Variants in SIPA1L3 observed in about 807,000 individuals in gnomAD.
The protein encoded by SIPA1L3 is signal-induced proliferation-associated 1-like protein 3.
Under a neutral mutation model 150.1 loss-of-function variants are expected in SIPA1L3, and 59 were observed. That is an observed-to-expected ratio of 0.39 (90% CI 0.32 to 0.49). The LOEUF is 0.49. Among genes scored for constraint, SIPA1L3 ranks in the 20% least tolerant of loss-of-function variants. The pLI, the probability that SIPA1L3 is intolerant of heterozygous loss-of-function variation, is 0.86. For synonymous variants in SIPA1L3, 1,070 were observed against 1,077.6 expected, an observed-to-expected ratio of 0.99 and a Z score of 0.14; for missense variants, 2,211 against 2,489.5, an observed-to-expected ratio of 0.89 and a Z score of 2.38.
chr19:37,995,613 A>G (rs1285036007), intron 1 of SIPA1L3, among the ~76,000 whole-genome samples: 1 of 152,204 alleles, frequency 6.6e-6, no homozygotes, highest in Non-Finnish European at 1.5e-5. Context: ...AAAGGTTAGT[A>G]GGAGTTCTGC....
chr19:38,018,589 T>A (rs1453746036), intron 1 of SIPA1L3, among the ~76,000 whole-genome samples: 1 of 152,190 alleles, frequency 6.6e-6, no homozygotes, highest in African/African-American at 2.4e-5. Flanking sequence ...ACGCATGGAT[T>A]CTTGCTTCAT....
chr19:37,937,530 G>GGAGTTTGA (rs953782180), intron 1 of SIPA1L3, among the ~76,000 whole-genome samples: 2 of 146,500 alleles, frequency 1.4e-5, no homozygotes, highest in African/African-American at 5.1e-5. Context: ...CTTGAGCCCA[G>GGAGTTTGA]GAGTTTGAGA....
At chr19:37,980,957 T>G (rs1161812320) in intron 1 of SIPA1L3, among the ~76,000 whole-genome samples, 1 of 152,224 alleles carries the variant, frequency 6.6e-6, no homozygotes, top group Non-Finnish European at 1.5e-5. Flanking sequence ...ATCCCATCAG[T>G]TCTCATCTTT....
At chr19:37,921,722 TC>T (rs1316322848) in intron 1 of SIPA1L3, among the ~76,000 whole-genome samples, 1 of 151,386 alleles carries the variant, frequency 6.6e-6, no homozygotes. Flanking sequence ...CACCTCAGCC[TC>T]CCAAGTAGCT....
At chr19:38,078,587 C>G (rs1969907927) in intron 2 of SIPA1L3, among the ~76,000 whole-genome samples, 1 of 107,272 alleles carries the variant, frequency 9.3e-6, no homozygotes, top group Non-Finnish European at 2.0e-5. Flanking sequence ...CACGCACACA[C>G]ACACAGACAC....
intron 12 of SIPA1L3, among the ~76,000 whole-genome samples, chr19:38,148,195 A>G (rs1971741620): frequency 6.6e-6 from 1 of 151,892 alleles, no homozygotes; most frequent in Non-Finnish European, 1.5e-5. Context: ...TACTAAAAAT[A>G]CAAAAGTTAG....
chr19:38,098,073 C>T (rs1266414276), intron 4 of SIPA1L3, among the ~76,000 whole-genome samples: 2 of 152,210 alleles, frequency 1.3e-5, no homozygotes, highest in African/African-American at 4.8e-5. Flanking sequence ...TAGACCTATA[C>T]ATACAGTTAT....
At chr19:38,197,601 T>C (rs1972989855) in intron 18 of SIPA1L3, among the ~76,000 whole-genome samples, 1 of 151,948 alleles carries the variant, frequency 6.6e-6, no homozygotes, top group Non-Finnish European at 1.5e-5. Flanking sequence ...ACCATCTCCT[T>C]GGAATGTCCA....
At chr19:37,946,192 A>G (rs1245816451) in intron 1 of SIPA1L3, among the ~76,000 whole-genome samples, 2 of 151,842 alleles carry the variant, frequency 1.3e-5, no homozygotes, top group Non-Finnish European at 2.9e-5. Flanking sequence ...AAGACTTGTG[A>G]TATTTATTGT....
At chr19:38,105,313 C>T (rs979967844) in intron 6 of SIPA1L3, among the ~76,000 whole-genome samples, 4 of 151,878 alleles carry the variant, frequency 2.6e-5, no homozygotes, top group African/African-American at 7.3e-5. Flanking sequence ...TGCAGAGAGC[C>T]CACATTGCGC....
At chr19:37,938,812 G>A (rs534722607) in intron 1 of SIPA1L3, among the ~76,000 whole-genome samples, 78 of 151,914 alleles carry the variant, frequency 5.1e-4, no homozygotes, top group African/African-American at 1.8e-3. Flanking sequence ...TAGTAGAGAC[G>A]GGATTTCATC....
chr19:38,134,308 G>T (rs1183736461), intron 10 of SIPA1L3, among the ~76,000 whole-genome samples: 1 of 149,660 alleles, frequency 6.7e-6, no homozygotes, highest in Admixed American at 6.8e-5. Context: ...TCAGCTAGGT[G>T]TGATGGCACA....
At chr19:38,188,295 G>A (rs1489200109) in intron 16 of SIPA1L3, among the ~76,000 whole-genome samples, 3 of 151,468 alleles carry the variant, frequency 2.0e-5, no homozygotes, top group Non-Finnish European at 2.9e-5. Context: ...AGTGATTCTC[G>A]TGCCTCAGCC....
chr19:38,042,933 C>G (rs1333650187), intron 2 of SIPA1L3, among the ~76,000 whole-genome samples: 3 of 152,226 alleles, frequency 2.0e-5, no homozygotes, highest in Non-Finnish European at 4.4e-5. Context: ...CCTTCTACCT[C>G]TATGACCATG....
chr19:37,986,491 CA>C (rs1330077279), intron 1 of SIPA1L3, among the ~76,000 whole-genome samples: 1 of 152,240 alleles, frequency 6.6e-6, no homozygotes, highest in Non-Finnish European at 1.5e-5. Context: ...GTGCCAAAAG[CA>C]GCCCCTTTGC....
At chr19:38,181,543 T>G (rs1488500285) in intron 15 of SIPA1L3, among the ~76,000 whole-genome samples, 9 of 151,742 alleles carry the variant, frequency 5.9e-5, no homozygotes, top group African/African-American at 2.2e-4. Context: ...ATGCGTATGT[T>G]TTTGCATAGA....
At chr19:37,955,544 A>G (rs1393648507) in intron 1 of SIPA1L3, among the ~76,000 whole-genome samples, 1 of 152,182 alleles carries the variant, frequency 6.6e-6, no homozygotes, top group Admixed American at 6.5e-5. Context: ...TTCCACGCCT[A>G]GGCCCAGGCT....
intron 1 of SIPA1L3, among the ~76,000 whole-genome samples, chr19:37,945,820 A>G (rs921846600): frequency 1.3e-5 from 2 of 152,214 alleles, no homozygotes; most frequent in African/African-American, 2.4e-5. Context: ...TTCTTGGGAC[A>G]AAGTCCTAGA....
intron 4 of SIPA1L3, among the ~76,000 whole-genome samples, chr19:38,099,472 G>A (rs180881243): frequency 5.7e-4 from 87 of 152,050 alleles, no homozygotes; most frequent in African/African-American, 1.9e-3. Context: ...CAGTGTTACT[G>A]TAATAATGAC....
Sources: allele counts gnomAD v4.1 joint callset (sites outside exome capture counted in the v4.1 genomes callset), GRCh38; gene constraint gnomAD v4.1.1; transcripts MANE v1.5; gene names NCBI Gene and HGNC (gene_info 2026-07-23, HGNC 2026-07-21).